TTLL5: variants seen among roughly 807,000 people sequenced by gnomAD.
The protein encoded by TTLL5 is tubulin tyrosine ligase like 5.
In TTLL5, 132 loss-of-function variants were observed where a neutral mutation model predicts 168.4. The ratio of observed to expected loss-of-function variants is 0.78; its 90% CI spans 0.68 to 0.91. TTLL5 has a LOEUF of 0.91. Ranked by LOEUF, TTLL5 falls within the 40% of genes least tolerant of loss-of-function variation. TTLL5 has a pLI of 0.00. For missense variants in TTLL5, 1,545 were observed against 1,581.5 expected, an observed-to-expected ratio of 0.98 and a Z score of 0.39; for synonymous variants, 546 against 558.6, an observed-to-expected ratio of 0.98 and a Z score of 0.32.
At chr14:75,939,945 A>G (rs2034547302) in intron 31 of TTLL5, among the ~76,000 whole-genome samples, 1 of 152,222 alleles carries the variant, frequency 6.6e-6, no homozygotes, top group Non-Finnish European at 1.5e-5. Context: ...TCCAGTGAGC[A>G]GAAAACAAAA....
At chr14:75,860,213 C>T (rs1383113941) in intron 28 of TTLL5, among the ~76,000 whole-genome samples, 2 of 152,166 alleles carry the variant, frequency 1.3e-5, no homozygotes, top group African/African-American at 2.4e-5. Flanking sequence ...CACTGTCCTA[C>T]CCTTTATATA....
In TTLL5 at chr14:75,877,770, A is replaced by G. The variant is rs141930392; in HGVS notation, c.3523-4915A>G. ...TATGAATGAATATCAGGACAGAACA[A>G]TTCACATGATGGAGCAGTTCAGTTG... On this transcript the variant is annotated intron_variant, in intron 29 of 31. Transcript: ENST00000298832. Among the ~76,000 whole-genome samples, 24 of 152,316 alleles carry G rather than the reference A, an allele frequency of 1.6e-4. No individual in the cohort carries two copies. The East Asian group carries it at 4.0e-3, about 26-fold the overall frequency.
At chr14:75,746,046 C>T (rs1453768252) in intron 17 of TTLL5, among the ~76,000 whole-genome samples, 2 of 152,190 alleles carry the variant, frequency 1.3e-5, no homozygotes, top group African/African-American at 2.4e-5. Context: ...CCATCACCCT[C>T]GTAGCCCTCT....
intron 31 of TTLL5, among the ~76,000 whole-genome samples, chr14:75,907,283 G>A (rs2033183397): frequency 6.6e-6 from 1 of 152,152 alleles, no homozygotes; most frequent in Non-Finnish European, 1.5e-5. Context: ...TACACCGAAG[G>A]CATGGTCTAA....
intron 29 of TTLL5, among the ~76,000 whole-genome samples, chr14:75,870,077 CAAAA>C (rs1302775822): frequency 6.6e-6 from 1 of 151,978 alleles, no homozygotes; most frequent in Non-Finnish European, 1.5e-5. Flanking sequence ...CCTTCGCCTC[CAAAA>C]GTGCTGGGAT....
chr14:75,898,253 T>C (rs1414954068), intron 30 of TTLL5, among the ~76,000 whole-genome samples: 1 of 152,226 alleles, frequency 6.6e-6, no homozygotes, highest in Non-Finnish European at 1.5e-5. Context: ...TAGGATAAGA[T>C]GGGAGAAATA....
At chr14:75,931,891 T>G (rs2034288795) in intron 31 of TTLL5, among the ~76,000 whole-genome samples, 2 of 152,246 alleles carry the variant, frequency 1.3e-5, no homozygotes, top group Non-Finnish European at 2.9e-5. Flanking sequence ...TACAATGTTT[T>G]ATTTTATTTT....
At chr14:75,776,032 A>G (rs1891707625) in intron 22 of TTLL5, among the ~76,000 whole-genome samples, 1 of 152,210 alleles carries the variant, frequency 6.6e-6, no homozygotes, top group South Asian at 2.1e-4. Flanking sequence ...TTTCATCTTT[A>G]AAACATTTTA....
At chr14:75,848,102 T>C (rs565611035) in intron 28 of TTLL5, among the ~76,000 whole-genome samples, 2 of 152,072 alleles carry the variant, frequency 1.3e-5, no homozygotes, top group South Asian at 4.1e-4. Context: ...TTGTCTCCTA[T>C]TTCCCTTGGC....
At position 75,766,280 on chromosome 14, in the gene TTLL5, A is replaced by G; in HGVS notation, c.1927A>G (p.Lys643Glu). The change falls in exon 20 of 32, where the codon AAA (lysine) becomes GAA (glutamate). Residue 643 changes from lysine to glutamate, a missense_variant. Coordinates refer to ENST00000298832, the MANE Select transcript of TTLL5 (RefSeq NM_015072.5). ...NSMKVREWNN[K>E]GGHCCKLETQ... is the part of the protein sequence containing the mutation. ...CATGAAAGTTCGTGAATGGAATAATAAAGGTGGACACTGCTGCAAACTTGA... is the reference window on the plus strand; with the variant it reads ...CATGAAAGTTCGTGAATGGAATAATGAAGGTGGACACTGCTGCAAACTTGA... 1 of 1,614,098 alleles carries G rather than the reference A, an allele frequency of 6.2e-7. No individual in the cohort carries two copies. The highest frequency in any genetic ancestry group is 8.5e-7 in the Non-Finnish European group (1 of 1,179,978).
At chr14:75,928,741 C>G (rs1028191782) in intron 31 of TTLL5, among the ~76,000 whole-genome samples, 2 of 152,028 alleles carry the variant, frequency 1.3e-5, no homozygotes, top group Non-Finnish European at 2.9e-5. Flanking sequence ...CCTGGGCTGT[C>G]CCCTTAGTTG....
chr14:75,829,264 G>C (rs1595113141), intron 28 of TTLL5, among the ~76,000 whole-genome samples: 1 of 152,124 alleles, frequency 6.6e-6, no homozygotes, highest in Non-Finnish European at 1.5e-5. Context: ...CATATATTTG[G>C]TGCTTGGCAC....
chr14:75,750,250 G>A (rs372761487), intron 17 of TTLL5, among the ~76,000 whole-genome samples: 9 of 151,958 alleles, frequency 5.9e-5, no homozygotes, highest in African/African-American at 2.2e-4. Context: ...TATCAGGGAA[G>A]GCTTTGTACA....
At chr14:75,719,872 A>G (rs759920739) in intron 11 of TTLL5, 46 bp downstream of exon 11, 2 of 1,557,586 alleles carry the variant, frequency 1.3e-6, no homozygotes, top group South Asian at 2.2e-5. Flanking sequence ...TCTTTGGATA[A>G]CTTTATCATT....
At chr14:75,882,464 G>T (rs1486013101) in intron 29 of TTLL5, among the ~76,000 whole-genome samples, 1 of 152,136 alleles carries the variant, frequency 6.6e-6, no homozygotes, top group Non-Finnish European at 1.5e-5. Context: ...TCCTAGCCCA[G>T]TGTACTTTCA....
At chr14:75,824,390 T>C (rs2140423097) in intron 28 of TTLL5, among the ~76,000 whole-genome samples, 1 of 145,736 alleles carries the variant, frequency 6.9e-6, no homozygotes, top group South Asian at 2.3e-4. Flanking sequence ...GGATAGACAA[T>C]TTGAAGAAAG....
chr14:75,708,302 T>G (rs1886796088), intron 9 of TTLL5, among the ~76,000 whole-genome samples: 1 of 151,986 alleles, frequency 6.6e-6, no homozygotes. Context: ...TTTTTTTTCC[T>G]TAACATGCAA....
intron 31 of TTLL5, among the ~76,000 whole-genome samples, chr14:75,902,857 C>T (rs7342560): frequency 1.3e-5 from 2 of 152,208 alleles, no homozygotes; most frequent in Admixed American, 1.3e-4. Context: ...TATTGAGTAC[C>T]TACTCTAGAG....
intron 28 of TTLL5, among the ~76,000 whole-genome samples, chr14:75,827,707 C>CTTTGTTTTTTTTTT (rs1895280834): frequency 3.8e-5 from 2 of 53,172 alleles, no homozygotes; most frequent in Non-Finnish European, 6.2e-5. Context: ...TGGCTTGGTT[C>CTTTGTTTTTTTTTT]TTTTTTTTTT....
Sources: allele counts gnomAD v4.1 joint callset (sites outside exome capture counted in the v4.1 genomes callset), GRCh38; gene constraint gnomAD v4.1.1; transcripts MANE v1.5; gene names NCBI Gene and HGNC (gene_info 2026-07-23, HGNC 2026-07-21).